The following PIGU variants were observed in gnomAD, a reference collection of about 807,000 sequenced individuals.
PIGU encodes phosphatidylinositol glycan anchor biosynthesis class U, also known as GPI-anchor transamidase component PIGU.
In PIGU, 24 loss-of-function variants were observed where a neutral mutation model predicts 49.9. That is an observed-to-expected ratio of 0.48 (90% CI 0.35 to 0.68). PIGU has a LOEUF of 0.68. Ranked by LOEUF, PIGU falls within the 30% of genes least tolerant of loss-of-function variation. The pLI is 0.01. For synonymous variants in PIGU, 220 were observed against 205.7 expected (o/e 1.07, Z -0.59); for missense variants, 490 against 532.6 (o/e 0.92, Z 0.79).
At chr20:34,673,261 A>AG (rs1423317933) in intron 1 of PIGU, among the ~76,000 whole-genome samples, 1 of 151,970 alleles carries the variant, frequency 6.6e-6, no homozygotes, top group East Asian at 1.9e-4. Context: ...CTCAAAAAAA[A>AG]AAAAAAAAAA....
chr20:34,581,460 G>A, intron 10 of PIGU, 88 bp downstream of exon 10: 2 of 1,516,702 alleles, frequency 1.3e-6, no homozygotes, highest in South Asian at 2.5e-5. Flanking sequence ...ACAGGTGCCT[G>A]GTAAATGCCT....
At chr20:34,563,450 C>T (rs1175259272) in intron 11 of PIGU, among the ~76,000 whole-genome samples, 1 of 152,164 alleles carries the variant, frequency 6.6e-6, no homozygotes, top group Non-Finnish European at 1.5e-5. Context: ...GCCTGTAATC[C>T]CAGCTACTTG....
chr20:34,613,936 C>G (rs1984911693), intron 7 of PIGU, among the ~76,000 whole-genome samples: 1 of 152,128 alleles, frequency 6.6e-6, no homozygotes. Flanking sequence ...GGTATAATTG[C>G]CTAATAAGAA....
chr20:34,621,019 G>A (rs1985200022), intron 6 of PIGU, among the ~76,000 whole-genome samples: 1 of 152,012 alleles, frequency 6.6e-6, no homozygotes, highest in East Asian at 1.9e-4. Context: ...CCACATAGCT[G>A]ACTCCGGTAC....
At chr20:34,589,831 T>C (rs981233267) in intron 7 of PIGU, among the ~76,000 whole-genome samples, 47 of 151,642 alleles carry the variant, frequency 3.1e-4, no homozygotes, top group African/African-American at 1.1e-3. Context: ...AATTTTTATA[T>C]TTTCAGTAGA....
At chr20:34,609,433 C>T (rs558604149) in intron 7 of PIGU, among the ~76,000 whole-genome samples, 25 of 151,962 alleles carry the variant, frequency 1.6e-4, no homozygotes, top group African/African-American at 5.5e-4. Context: ...GGCGCAATCT[C>T]GGCTCACTGC....
chr20:34,580,210 G>A (rs868323672), intron 10 of PIGU, among the ~76,000 whole-genome samples: 20 of 152,328 alleles, frequency 1.3e-4, no homozygotes, highest in African/African-American at 4.8e-4. Flanking sequence ...GCATGTCCAT[G>A]TTTTGGTGGT....
chr20:34,600,780 A>T (rs1303825525), intron 7 of PIGU, among the ~76,000 whole-genome samples: 1 of 152,172 alleles, frequency 6.6e-6, no homozygotes, highest in Non-Finnish European at 1.5e-5. Flanking sequence ...CACACCTATA[A>T]TCCCAGCACT....
chr20:34,608,748 G>A (rs931255592), intron 7 of PIGU, among the ~76,000 whole-genome samples: 1 of 152,118 alleles, frequency 6.6e-6, no homozygotes, highest in African/African-American at 2.4e-5. Context: ...CACTCACTCT[G>A]GCACTTACAG....
At chr20:34,648,301 T>C (rs1986421573) in intron 2 of PIGU, among the ~76,000 whole-genome samples, 1 of 151,950 alleles carries the variant, frequency 6.6e-6, no homozygotes, top group East Asian at 1.9e-4. Context: ...CATTTTTGCT[T>C]TATATATTTT....
chr20:34,631,321 T>C (rs1431136237), intron 6 of PIGU, among the ~76,000 whole-genome samples: 1 of 151,812 alleles, frequency 6.6e-6, no homozygotes, highest in Non-Finnish European at 1.5e-5. Context: ...CATAACTTAA[T>C]CAATCAAGAA....
chr20:34,626,576 T>A (rs1364617344), intron 6 of PIGU, among the ~76,000 whole-genome samples: 1 of 152,146 alleles, frequency 6.6e-6, no homozygotes, highest in African/African-American at 2.4e-5. Flanking sequence ...GTGCTGGGAA[T>A]TACAGGCGTG....
intron 7 of PIGU, among the ~76,000 whole-genome samples, chr20:34,596,831 T>G (rs1472459049): frequency 1.3e-5 from 2 of 152,254 alleles, no homozygotes; most frequent in Non-Finnish European, 1.5e-5. Flanking sequence ...ATTTATCAAT[T>G]TCTTCTAGCT....
At chr20:34,629,026 T>G (rs1985600918) in intron 6 of PIGU, among the ~76,000 whole-genome samples, 1 of 151,738 alleles carries the variant, frequency 6.6e-6, no homozygotes, top group African/African-American at 2.4e-5. Flanking sequence ...AACTTTTTTT[T>G]TTTTTTTTGA....
intron 8 of PIGU, 33 bp downstream of exon 8, chr20:34,588,420 C>G: frequency 1.3e-6 from 2 of 1,591,912 alleles, no homozygotes; most frequent in Non-Finnish European, 1.7e-6. Context: ...TTCCCCACAG[C>G]TTCTAGAATT....
chr20:34,657,054 G>T, intron 2 of PIGU, 126 bp downstream of exon 2: 1 of 715,310 alleles, frequency 1.4e-6, no homozygotes, highest in Non-Finnish European at 2.3e-6. Context: ...CTAAAAACGG[G>T]CTGTTTCTAA....
intron 2 of PIGU, among the ~76,000 whole-genome samples, chr20:34,649,310 C>G (rs1056171171): frequency 9.2e-5 from 14 of 151,866 alleles, no homozygotes; most frequent in African/African-American, 3.4e-4. Context: ...CTGATTCTGC[C>G]TCGTTCTGTC....
intron 2 of PIGU, among the ~76,000 whole-genome samples, chr20:34,646,993 T>C (rs957431157): frequency 3.3e-5 from 5 of 151,770 alleles, no homozygotes; most frequent in African/African-American, 1.2e-4. Flanking sequence ...CCCAGCTAAT[T>C]TTTTTTGTTA....
At chr20:34,601,742 A>G (rs968637230) in intron 7 of PIGU, among the ~76,000 whole-genome samples, 3 of 152,186 alleles carry the variant, frequency 2.0e-5, no homozygotes, top group African/African-American at 7.2e-5. Context: ...AAAGCAATAC[A>G]TACTATTTCT....
Sources: gnomAD v4.1 joint callset for allele counts (sites outside exome capture counted in the v4.1 genomes callset) on GRCh38, gnomAD v4.1.1 for gene constraint, MANE v1.5 for transcripts, NCBI Gene and HGNC (gene_info 2026-07-23, HGNC 2026-07-21) for gene names.